AEBP2: variants seen among roughly 807,000 people sequenced by gnomAD.
AEBP2 encodes the protein zinc finger protein AEBP2.
A neutral mutation model predicts 50.8 loss-of-function variants in AEBP2; 10 were observed. The observed-to-expected ratio is 0.20, with a 90% CI of 0.12 to 0.33. The LOEUF is 0.33. AEBP2 is among the 10% of genes least tolerant of loss of function. AEBP2 has a pLI of 1.00. For synonymous variants in AEBP2, 296 were observed against 261.3 expected, an observed-to-expected ratio of 1.13 and a Z score of -1.28; for missense variants, 570 against 688.0, an observed-to-expected ratio of 0.83 and a Z score of 1.92.
chr12:19,461,249 AC>A (rs1948372965), intron 1 of AEBP2, among the ~76,000 whole-genome samples: 1 of 152,046 alleles, frequency 6.6e-6, no homozygotes, highest in Non-Finnish European at 1.5e-5. Context: ...CTTTCTCTTG[AC>A]CCTTATGATT....
intron 1 of AEBP2, 120 bp downstream of exon 1, chr12:19,440,490 C>G (rs1215804860): frequency 1.4e-6 from 2 of 1,411,442 alleles, no homozygotes; most frequent in Admixed American, 2.9e-5. Context: ...CGGCCCCTCC[C>G]CCAGACTCTC....
At chr12:19,502,601 C>A (rs1949097504) in intron 5 of AEBP2, among the ~76,000 whole-genome samples, 1 of 151,006 alleles carries the variant, frequency 6.6e-6, no homozygotes, top group African/African-American at 2.4e-5. Flanking sequence ...TGTAGGTGTG[C>A]AGTTTTATTT....
intron 1 of AEBP2, among the ~76,000 whole-genome samples, chr12:19,412,302 A>G (rs527799913): frequency 6.6e-6 from 1 of 152,114 alleles, no homozygotes; most frequent in Admixed American, 6.6e-5. Context: ...TTTTTGAGAC[A>G]GGGTCTTGTG....
chr12:19,456,221 G>C, intron 1 of AEBP2: 1 of 1,449,292 alleles, frequency 6.9e-7, no homozygotes, highest in South Asian at 1.2e-5. Context: ...TTAAGACCGG[G>C]GTGGCAGGTA....
In AEBP2 at chr12:19,439,658, C is replaced by G; in HGVS notation, c.-42C>G. On this transcript the variant is annotated 5_prime_UTR_variant, in exon 1 of 8. Coordinates refer to ENST00000266508, the MANE Select transcript of AEBP2 (RefSeq NM_153207.5). ...GGGAGAGAGAGTCGAGAGAGGGAGG[C>G]GGCGGTGGGGAGGAGGAGGAGGAGG... is the stretch of plus-strand genomic sequence containing the variant. 2 of 1,464,698 alleles carry G rather than the reference C, an allele frequency of 1.4e-6. No individual in the cohort carries two copies. Among genetic ancestry groups the G allele is most frequent in the Non-Finnish European group, 9.0e-7 (1 of 1,114,916 alleles). 90.7% of individuals were successfully genotyped at this position (1,464,698 alleles called of 1,614,324 possible). A position where few individuals can be genotyped will look rare whatever the true frequency, so the allele number is the denominator to read the frequency against.
intron 1 of AEBP2, among the ~76,000 whole-genome samples, chr12:19,445,325 A>G (rs1158602103): frequency 1.3e-5 from 2 of 150,022 alleles, no homozygotes; most frequent in Non-Finnish European, 3.0e-5. Flanking sequence ...CAGCCTCCTG[A>G]GTATCTGGGA....
intron 2 of AEBP2, among the ~76,000 whole-genome samples, chr12:19,464,302 C>T (rs1464570902): frequency 2.0e-5 from 3 of 151,936 alleles, no homozygotes; most frequent in African/African-American, 7.3e-5. Context: ...TTTTTGTGAG[C>T]CAGTGCTTGA....
rs144332070 is a variant in AEBP2, at chr12:19,452,072, G to T, written c.672-10438G>T. Among the ~76,000 whole-genome samples the T allele has an allele frequency of 2.5e-3, 377 of 152,172 alleles. 1 individual carries two copies. Among genetic ancestry groups the T allele is most frequent in the African/African-American group, 8.7e-3 (360 of 41,518 alleles). ...CACCCAGCTAATTTTTGTATTTTTA[G>T]TAGAGGTAGGGTTTCACCATGTTGG... On this transcript the variant is annotated intron_variant, in intron 1 of 7. Transcript: ENST00000266508.
intron 1 of AEBP2, chr12:19,440,794 G>A (rs2153366102): frequency 6.6e-7 from 1 of 1,526,300 alleles, no homozygotes; most frequent in Middle Eastern, 2.2e-4. Flanking sequence ...TTTCCAATAT[G>A]GCTGGTCTCG....
chr12:19,502,632 C>G (rs1949098065), intron 5 of AEBP2, among the ~76,000 whole-genome samples: 1 of 151,192 alleles, frequency 6.6e-6, no homozygotes, highest in African/African-American at 2.4e-5. Context: ...TGTCCTATTT[C>G]ATTGGTCTGT....
Position 19,484,240 on chromosome 12 carries a change from C to T in AEBP2, c.988-9560C>T, listed in dbSNP as rs1462561041. On this transcript the variant is annotated intron_variant, in intron 3 of 7. Transcript: ENST00000266508. ...CTGGGATTACAGGCAGGCACCACAA[C>T]GCCCAGCCAATTTTTTTTTTTTTTT... 2.1e-5 allele frequency among the ~76,000 whole-genome samples: 3 copies of T among 142,322 alleles called. No homozygotes were observed. The East Asian group carries it at 6.2e-4, about 29-fold the overall frequency. The allele number at this position is 142,322 out of a possible 152,430, so 93.4% of individuals were successfully genotyped here.
intron 2 of AEBP2, among the ~76,000 whole-genome samples, chr12:19,466,403 A>T (rs1469713440): frequency 2.0e-5 from 3 of 152,108 alleles, no homozygotes; most frequent in Non-Finnish European, 4.4e-5. Flanking sequence ...CTGCTGTGAG[A>T]TCGTGCCACC....
chr12:19,449,090 G>C (rs1948123354), intron 1 of AEBP2, among the ~76,000 whole-genome samples: 1 of 152,080 alleles, frequency 6.6e-6, no homozygotes, highest in South Asian at 2.1e-4. Context: ...CATGTGTTTT[G>C]AGGTGTTCAG....
At chr12:19,428,556 A>T (rs2095749785) in intron 1 of AEBP2, among the ~76,000 whole-genome samples, 1 of 152,226 alleles carries the variant, frequency 6.6e-6, no homozygotes, top group African/African-American at 2.4e-5. Flanking sequence ...TCACGCCTGT[A>T]ATTCCAGCAC....
At chr12:19,450,623 A>T (rs991832824) in intron 1 of AEBP2, among the ~76,000 whole-genome samples, 1 of 143,016 alleles carries the variant, frequency 7.0e-6, no homozygotes, top group African/African-American at 2.6e-5. Flanking sequence ...TCAACCCAGG[A>T]GTTTGAGACC....
At chr12:19,493,092 G>A (rs541408213) in intron 3 of AEBP2, among the ~76,000 whole-genome samples, 5 of 152,256 alleles carry the variant, frequency 3.3e-5, no homozygotes, top group Non-Finnish European at 5.9e-5. Flanking sequence ...GAAGTAGCAT[G>A]TAACGTAAAA....
intron 1 of AEBP2, among the ~76,000 whole-genome samples, chr12:19,423,817 G>T (rs1190882469): frequency 6.6e-6 from 1 of 151,934 alleles, no homozygotes; most frequent in Non-Finnish European, 1.5e-5. Flanking sequence ...CTCCAGCCTG[G>T]GCGACAGAGT....
Position 19,518,914 on chromosome 12 carries a change from C to T in AEBP2, c.*797C>T, listed in dbSNP as rs971997779. ...AAACCTTTCAAATTATTTGAATAAT[C>T]TTCATATTTTCATTTAACCTATATG... is the stretch of plus-strand genomic sequence containing the variant. On this transcript the variant is annotated 3_prime_UTR_variant, in exon 8 of 8. Transcript: ENST00000266508. 7 of 365,318 alleles carry T rather than the reference C, an allele frequency of 1.9e-5. No individual in the cohort carries two copies. Among genetic ancestry groups the T allele is most frequent in the Non-Finnish European group, 3.3e-5 (7 of 209,068 alleles). The allele number at this position is 365,318 out of a possible 1,614,324, so 22.6% of individuals were successfully genotyped here.
intron 1 of AEBP2, among the ~76,000 whole-genome samples, chr12:19,406,774 A>C (rs2095736527): frequency 6.6e-6 from 1 of 152,178 alleles, no homozygotes; most frequent in African/African-American, 2.4e-5. Flanking sequence ...GTGATCACCA[A>C]ATTCAAGATC....
Sources: gnomAD v4.1 joint callset for allele counts (sites outside exome capture counted in the v4.1 genomes callset) on GRCh38, gnomAD v4.1.1 for gene constraint, MANE v1.5 for transcripts, NCBI Gene and HGNC (gene_info 2026-07-23, HGNC 2026-07-21) for gene names.